Variants in RABGEF1 observed in about 807,000 individuals in gnomAD.
RABGEF1 encodes the protein RAB guanine nucleotide exchange factor 1.
A neutral mutation model predicts 57.3 loss-of-function variants in RABGEF1; 26 were observed. The observed-to-expected ratio is 0.45, with a 90% confidence interval of 0.33 to 0.63. The LOEUF (loss-of-function observed/expected upper bound fraction) is 0.63, where lower values mean the gene tolerates loss of function less well. RABGEF1 is among the 20% of genes least tolerant of loss of function. The probability of loss-of-function intolerance (pLI) is 0.02; values close to 1 mark genes in which losing one functional copy is unlikely to be tolerated. For missense variants in RABGEF1, 464 were observed against 607.6 expected (o/e 0.76, Z 2.48); for synonymous variants, 185 against 210.7 (o/e 0.88, Z 1.06).
At chr7:66,773,708 C>T (rs531368682) in intron 2 of RABGEF1, 55 of 453,902 alleles carry the variant, frequency 1.2e-4, no homozygotes, top group Admixed American at 1.9e-4. Flanking sequence ...CTCTGTTACC[C>T]TGGCTGGAGT....
At chr7:66,748,638 A>G (rs1315866604) in intron 1 of RABGEF1, among the ~76,000 whole-genome samples, 1 of 152,250 alleles carries the variant, frequency 6.6e-6, no homozygotes, top group Non-Finnish European at 1.5e-5. Context: ...CCACACAAAC[A>G]TCTACCCAGC....
At chr7:66,685,522 G>T (rs2117055729) in intron 1 of RABGEF1, among the ~76,000 whole-genome samples, 1 of 152,238 alleles carries the variant, frequency 6.6e-6, no homozygotes, top group South Asian at 2.1e-4. Flanking sequence ...TGAAGTGAAT[G>T]TATACTCATT....
intron 7 of RABGEF1, among the ~76,000 whole-genome samples, chr7:66,804,734 G>A (rs1788046729): frequency 7.3e-6 from 1 of 136,722 alleles, no homozygotes; most frequent in African/African-American, 2.7e-5. Flanking sequence ...GTGAAACTCA[G>A]TCTGAAAAAA....
At chr7:66,692,701 C>T (rs1481483072) in intron 1 of RABGEF1, among the ~76,000 whole-genome samples, 1 of 124,908 alleles carries the variant, frequency 8.0e-6, no homozygotes, top group African/African-American at 3.1e-5. Context: ...CCACCTAAAG[C>T]TCCCACCCAC....
chr7:66,771,737 C>G (rs1220175495), intron 1 of RABGEF1, 146 bp from the exon 2 acceptor site: 1 of 468,870 alleles, frequency 2.1e-6, no homozygotes, highest in African/African-American at 2.0e-5. Flanking sequence ...TTCCTTCCTC[C>G]TCTTTCTCCC....
chr7:66,695,076 C>T (rs1792114961), intron 1 of RABGEF1, among the ~76,000 whole-genome samples: 1 of 152,040 alleles, frequency 6.6e-6, no homozygotes, highest in South Asian at 2.1e-4. Context: ...CTTTGGGAGG[C>T]CGAGGCGGGC....
intron 1 of RABGEF1, among the ~76,000 whole-genome samples, chr7:66,682,487 G>C (rs1789907946): frequency 1.3e-5 from 2 of 152,174 alleles, no homozygotes; most frequent in African/African-American, 4.8e-5. Flanking sequence ...CAACGTGCTC[G>C]TTGCCGGCAT....
rs561161066 is a variant in RABGEF1, at chr7:66,793,979, C to G, written c.514-1532C>G. On this transcript the variant is annotated intron_variant, in intron 4 of 8. Coordinates refer to ENST00000284957, the MANE Select transcript of RABGEF1 (RefSeq NM_014504.3). ...TCTACTGTGACATCCTTATGAGAAC[C>G]GTTGGGAGAAATTTTTGATTTTGGT... Among the ~76,000 whole-genome samples the G allele has an allele frequency of 5.9e-5, 9 of 152,200 alleles. No individual in the cohort carries two copies. The South Asian group carries it at 1.9e-3, about 32-fold the overall frequency.
At position 66,809,144 on chromosome 7, in the gene RABGEF1, G is replaced by C; in HGVS notation, c.1336G>C (p.Ala446Pro). ...KDLIDWTDGIAREVQDIVEKY... is the reference protein window; with the variant it reads ...KDLIDWTDGIPREVQDIVEKY... ...CCTCATAGATTGGACAGATGGAATTGCAAGAGAAGTTCAAGACATCGTTGA... is the reference window on the plus strand; with the variant it reads ...CCTCATAGATTGGACAGATGGAATTCCAAGAGAAGTTCAAGACATCGTTGA... Residue 446 changes from alanine to proline, a missense_variant, in exon 9 of 9, where the codon GCA (alanine) becomes CCA (proline). Physicochemically the swap from Ala to Pro is conservative, Grantham distance 27 (BLOSUM62 -1). Around this residue, in one of 4 missense-constraint regions of RABGEF1, gnomAD observed 151 missense variants for 152.2 expected, o/e 0.99. Coordinates refer to ENST00000284957, the MANE Select transcript of RABGEF1 (RefSeq NM_014504.3). 1.2e-6 allele frequency: 2 copies of C among 1,614,202 alleles called. No individual in the cohort carries two copies. The highest frequency in any genetic ancestry group is 1.7e-6 in the Non-Finnish European group (2 of 1,180,030).
intron 4 of RABGEF1, among the ~76,000 whole-genome samples, chr7:66,793,670 C>A (rs1813261934): frequency 8.2e-6 from 1 of 121,456 alleles, no homozygotes; most frequent in African/African-American, 2.8e-5. Context: ...GATTTGAGCA[C>A]TGCAGTGTGT....
chr7:66,755,676 G>C (rs774994885), intron 1 of RABGEF1, among the ~76,000 whole-genome samples: 4 of 152,162 alleles, frequency 2.6e-5, no homozygotes, highest in African/African-American at 9.7e-5. Flanking sequence ...ACGGTAGCCA[G>C]ATTATCTTGT....
chr7:66,775,308 A>G lies in RABGEF1; in HGVS notation c.261A>G (p.Glu87=), dbSNP rs1179801435. 6.2e-7 allele frequency: 1 copy of G among 1,614,002 alleles called. No homozygotes were observed. The highest frequency in any genetic ancestry group is 1.1e-5 in the South Asian group (1 of 91,070). The change falls in exon 3 of 9, where the codon GAA becomes GAG. Residue 87 remains glutamate (E), a synonymous_variant. Transcript: ENST00000284957. The part of the protein sequence containing the change: ...GAQSLTFSKF[E]EKKTNEKTRK... ...AATCCCTCACATTCTCCAAGTTTGA[A>G]GAAAAGAAAACCAACGAGAAGACCC...
chr7:66,724,364 TTA>T (rs1028225160), intron 2 of RABGEF1, among the ~76,000 whole-genome samples: 5 of 150,930 alleles, frequency 3.3e-5, no homozygotes, highest in African/African-American at 1.2e-4. Context: ...TTTATTTATT[TTA>T]TTTTTTTTTT....
At chr7:66,723,326 G>A (rs1187055216) in intron 2 of RABGEF1, among the ~76,000 whole-genome samples, 1 of 152,038 alleles carries the variant, frequency 6.6e-6, no homozygotes, top group Non-Finnish European at 1.5e-5. Context: ...TTGCCATTTT[G>A]TCACCTTTGA....
intron 1 of RABGEF1, among the ~76,000 whole-genome samples, chr7:66,742,477 G>C (rs936571623): frequency 1.3e-5 from 2 of 152,194 alleles, no homozygotes; most frequent in African/African-American, 4.8e-5. Context: ...GTTGGGTGTG[G>C]AGCCTGGAAG....
chr7:66,727,975 C>G (rs1222585533), intron 2 of RABGEF1, among the ~76,000 whole-genome samples: 3 of 152,168 alleles, frequency 2.0e-5, no homozygotes, highest in African/African-American at 7.2e-5. Context: ...CCTCATCCTC[C>G]CCTCTCCTGA....
intron 1 of RABGEF1, among the ~76,000 whole-genome samples, chr7:66,741,223 T>G (rs985668607): frequency 6.6e-6 from 1 of 152,044 alleles, no homozygotes; most frequent in Non-Finnish European, 1.5e-5. Context: ...AAAGCGCTGG[T>G]ATGGGACGCT....
At chr7:66,778,187 A>G (rs781174085) in intron 3 of RABGEF1, among the ~76,000 whole-genome samples, 8 of 152,198 alleles carry the variant, frequency 5.3e-5, no homozygotes, top group African/African-American at 1.7e-4. Context: ...GTATTCTTGA[A>G]TCTTCCTTAG....
chr7:66,664,613 A>G, the RABGEF1 span, among the ~76,000 whole-genome samples: 1 of 152,042 alleles, frequency 6.6e-6, no homozygotes, highest in Non-Finnish European at 1.5e-5. Flanking sequence ...CTTAAATTTA[A>G]ATTAAAATAG....
Sources: allele counts gnomAD v4.1 joint callset (sites outside exome capture counted in the v4.1 genomes callset), GRCh38; gene constraint gnomAD v4.1.1; regional missense constraint gnomAD v4.1.1; transcripts MANE v1.5; gene names NCBI Gene and HGNC (gene_info 2026-07-23, HGNC 2026-07-21).